Variants in RPS6KC1 observed in about 807,000 individuals in gnomAD.
The protein encoded by RPS6KC1 is ribosomal protein S6 kinase C1.
A neutral mutation model predicts 103.8 loss-of-function variants in RPS6KC1; 54 were observed. The ratio of observed to expected loss-of-function variants is 0.52; its 90% CI spans 0.42 to 0.65. RPS6KC1 has a LOEUF of 0.65. RPS6KC1 is among the 30% of genes least tolerant of loss of function. The pLI is 0.00. For synonymous variants in RPS6KC1, 439 were observed against 438.7 expected (o/e 1.00, Z -0.01); for missense variants, 1,151 against 1,253.8 (o/e 0.92, Z 1.24).
chr1:213,645,898 A>C, the RPS6KC1 span, among the ~76,000 whole-genome samples: 1 of 152,180 alleles, frequency 6.6e-6, no homozygotes, highest in African/African-American at 2.4e-5. Context: ...CTGGAAAGAA[A>C]TCAGGCCACA....
chr1:213,680,475 C>T, the RPS6KC1 span, among the ~76,000 whole-genome samples: 1 of 152,096 alleles, frequency 6.6e-6, no homozygotes, highest in Admixed American at 6.6e-5. Flanking sequence ...GTCAAACCAT[C>T]CTAGGGGCAG....
intron 10 of RPS6KC1, among the ~76,000 whole-genome samples, chr1:213,237,703 A>G (rs1452661972): frequency 6.6e-6 from 1 of 152,128 alleles, no homozygotes; most frequent in African/African-American, 2.4e-5. Flanking sequence ...GAAAAACAAT[A>G]GACTTAAAAT....
At chr1:213,701,515 G>A in the RPS6KC1 span, among the ~76,000 whole-genome samples, 749 of 151,970 alleles carry the variant, frequency 4.9e-3, 5 homozygotes, top group African/African-American at 0.017. Context: ...AATGTTGGTA[G>A]AATTCAGCAG....
the RPS6KC1 span, among the ~76,000 whole-genome samples, chr1:213,344,736 T>C: frequency 6.6e-6 from 1 of 152,238 alleles, no homozygotes. Flanking sequence ...GGTTTTGCCA[T>C]GTTGGCCAGA....
At chr1:213,163,383 G>T (rs1045401405) in intron 6 of RPS6KC1, among the ~76,000 whole-genome samples, 6 of 152,206 alleles carry the variant, frequency 3.9e-5, no homozygotes, top group Admixed American at 1.3e-4. Context: ...ATGTGACTAA[G>T]TAGAGTCTTA....
chr1:213,797,655 G>A, the RPS6KC1 span, among the ~76,000 whole-genome samples: 28 of 152,302 alleles, frequency 1.8e-4, no homozygotes, highest in East Asian at 4.4e-3. Context: ...TGGCAAAGAG[G>A]GCTCAACTTC....
the RPS6KC1 span, among the ~76,000 whole-genome samples, chr1:213,823,490 G>A: frequency 3.4e-4 from 52 of 152,146 alleles, no homozygotes; most frequent in Admixed American, 3.3e-3. Flanking sequence ...AAAACCTTGA[G>A]CCAGAGGAAC....
At chr1:213,486,105 A>G in the RPS6KC1 span, among the ~76,000 whole-genome samples, 75 of 152,332 alleles carry the variant, frequency 4.9e-4, 1 homozygote, top group Admixed American at 1.2e-3. Flanking sequence ...AGGCACGCAC[A>G]CAACACAGTG....
the RPS6KC1 span, among the ~76,000 whole-genome samples, chr1:213,855,196 T>G: frequency 6.6e-6 from 1 of 152,214 alleles, no homozygotes; most frequent in Admixed American, 6.5e-5. Flanking sequence ...AGGGATGCAA[T>G]TTAGTCCATA....
chr1:213,143,453 T>C (rs2147781863), intron 6 of RPS6KC1, among the ~76,000 whole-genome samples: 1 of 152,132 alleles, frequency 6.6e-6, no homozygotes, highest in African/African-American at 2.4e-5. Context: ...TTCTATTTTA[T>C]AGATTTGTAT....
At chr1:213,816,374 C>A in the RPS6KC1 span, among the ~76,000 whole-genome samples, 1 of 152,212 alleles carries the variant, frequency 6.6e-6, no homozygotes, top group East Asian at 1.9e-4. Flanking sequence ...ATAATTATCC[C>A]TGCTCTTCAG....
the RPS6KC1 span, among the ~76,000 whole-genome samples, chr1:213,659,197 T>A: frequency 6.6e-6 from 1 of 152,108 alleles, no homozygotes; most frequent in Non-Finnish European, 1.5e-5. Flanking sequence ...ACTCCTGACC[T>A]CAAGGGATCC....
the RPS6KC1 span, among the ~76,000 whole-genome samples, chr1:213,552,191 G>A: frequency 6.6e-6 from 1 of 152,188 alleles, no homozygotes; most frequent in Non-Finnish European, 1.5e-5. Context: ...GTGGACACAA[G>A]TTTTCAACTC....
the RPS6KC1 span, among the ~76,000 whole-genome samples, chr1:213,705,115 T>C: frequency 6.6e-6 from 1 of 152,234 alleles, no homozygotes; most frequent in Admixed American, 6.5e-5. Flanking sequence ...CTGTAAACAT[T>C]GCCTGGCTAT....
the RPS6KC1 span, among the ~76,000 whole-genome samples, chr1:213,511,545 TC>T: frequency 6.6e-6 from 1 of 152,104 alleles, no homozygotes; most frequent in Non-Finnish European, 1.5e-5. Flanking sequence ...CTGCTCCGAA[TC>T]CCCCAGCAGC....
chr1:213,380,076 A>C, the RPS6KC1 span, among the ~76,000 whole-genome samples: 2 of 152,318 alleles, frequency 1.3e-5, no homozygotes, highest in African/African-American at 4.8e-5. Context: ...AATCAACCTA[A>C]ATGTCCATCA....
the RPS6KC1 span, among the ~76,000 whole-genome samples, chr1:213,320,913 G>T: frequency 6.6e-6 from 1 of 152,126 alleles, no homozygotes; most frequent in Non-Finnish European, 1.5e-5. Flanking sequence ...CCTTTCCCCT[G>T]CTCTGTTTCT....
At chr1:213,234,235 T>G (rs1278660356) in intron 10 of RPS6KC1, among the ~76,000 whole-genome samples, 1 of 152,118 alleles carries the variant, frequency 6.6e-6, no homozygotes, top group Non-Finnish European at 1.5e-5. Flanking sequence ...GGTCTTAAAC[T>G]CCTGGCCTCA....
At chr1:213,543,170 T>C in the RPS6KC1 span, among the ~76,000 whole-genome samples, 2 of 152,206 alleles carry the variant, frequency 1.3e-5, no homozygotes, top group African/African-American at 2.4e-5. Context: ...TGCTCATAAA[T>C]GACGCTGAGT....
Sources: gnomAD v4.1 joint callset for allele counts (sites outside exome capture counted in the v4.1 genomes callset) on GRCh38, gnomAD v4.1.1 for gene constraint, MANE v1.5 for transcripts, NCBI Gene and HGNC (gene_info 2026-07-23, HGNC 2026-07-21) for gene names.